FANK1: variants seen among roughly 807,000 people sequenced by gnomAD.
FANK1 encodes the protein fibronectin type III and ankyrin repeat domains 1.
A neutral mutation model predicts 45.3 loss-of-function variants in FANK1; 44 were observed. The ratio of observed to expected loss-of-function variants is 0.97; its 90% CI spans 0.76 to 1.25. The LOEUF (loss-of-function observed/expected upper bound fraction) is 1.25, where lower values mean the gene tolerates loss of function less well. Among genes scored for constraint, FANK1 ranks in the 50% most tolerant of loss-of-function variants. FANK1 has a pLI of 0.00. For synonymous variants in FANK1, 149 were observed against 152.5 expected, an observed-to-expected ratio of 0.98 and a Z score of 0.17; for missense variants, 391 against 424.4, an observed-to-expected ratio of 0.92 and a Z score of 0.69.
At chr10:126,005,148 T>C in intron 7 of FANK1, 99 bp downstream of exon 7, 1 of 1,412,354 alleles carries the variant, frequency 7.1e-7, no homozygotes, top group Admixed American at 2.4e-5. Context: ...TAGCTAACCT[T>C]AGAAATGCTG....
intron 1 of FANK1, among the ~76,000 whole-genome samples, chr10:125,959,570 A>T (rs1320029680): frequency 6.6e-6 from 1 of 152,172 alleles, no homozygotes; most frequent in Non-Finnish European, 1.5e-5. Flanking sequence ...ATCTTTCTGG[A>T]TGAGTTTGCT....
At chr10:125,978,952 G>A (rs958400915) in intron 1 of FANK1, among the ~76,000 whole-genome samples, 5 of 152,244 alleles carry the variant, frequency 3.3e-5, no homozygotes, top group African/African-American at 1.2e-4. Flanking sequence ...TAAGGCTCCA[G>A]GGTCTCCACG....
intron 1 of FANK1, among the ~76,000 whole-genome samples, chr10:125,971,561 C>A (rs893828061): frequency 2.6e-5 from 4 of 151,948 alleles, no homozygotes; most frequent in South Asian, 4.1e-4. Context: ...ACAAGCTAGA[C>A]CTGATTTAAA....
At chr10:125,978,405 A>G (rs1950983903) in intron 1 of FANK1, among the ~76,000 whole-genome samples, 2 of 152,062 alleles carry the variant, frequency 1.3e-5, no homozygotes, top group African/African-American at 4.8e-5. Flanking sequence ...TATGAGGCTC[A>G]AAGGCTGGAA....
intron 3 of FANK1, among the ~76,000 whole-genome samples, chr10:125,991,231 G>A (rs1409801784): frequency 7.0e-6 from 1 of 142,110 alleles, no homozygotes; most frequent in Non-Finnish European, 1.5e-5. Context: ...GCAGGGATGA[G>A]TGTGTGGTGG....
intron 1 of FANK1, among the ~76,000 whole-genome samples, chr10:125,946,108 A>G (rs1210335661): frequency 6.6e-6 from 1 of 152,196 alleles, no homozygotes; most frequent in Non-Finnish European, 1.5e-5. Context: ...ACCCATCTGT[A>G]CATCACCATC....
chr10:125,928,261 C>CTTT (rs34889746), intron 1 of FANK1, among the ~76,000 whole-genome samples: 2,833 of 137,658 alleles, frequency 0.021, 156 homozygotes, highest in African/African-American at 0.065. Flanking sequence ...TTATTCGTGC[C>CTTT]TTTTTTTTTT....
chr10:125,989,239 T>C (rs1013879766), intron 3 of FANK1: 2 of 1,526,158 alleles, frequency 1.3e-6, no homozygotes, highest in Non-Finnish European at 1.8e-6. Context: ...GTTTCTGAGA[T>C]TGGTATTTTA....
intron 2 of FANK1, among the ~76,000 whole-genome samples, chr10:125,984,038 G>A (rs542130831): frequency 9.2e-5 from 14 of 152,266 alleles, no homozygotes; most frequent in Admixed American, 7.2e-4. Flanking sequence ...GTGGTGGACC[G>A]AATATGGGAT....
intron 3 of FANK1, among the ~76,000 whole-genome samples, chr10:125,989,706 C>T (rs936706114): frequency 2.6e-5 from 4 of 152,320 alleles, no homozygotes; most frequent in Non-Finnish European, 5.9e-5. Flanking sequence ...GGGCTCGTTC[C>T]TTCATCCGAC....
intron 1 of FANK1, among the ~76,000 whole-genome samples, chr10:125,902,297 A>T (rs1945106699): frequency 1.3e-5 from 2 of 152,212 alleles, no homozygotes; most frequent in South Asian, 4.1e-4. Flanking sequence ...TCTTCACTCG[A>T]CTGTAGGGTG....
chr10:125,969,160 C>T (rs1950342688), intron 1 of FANK1, among the ~76,000 whole-genome samples: 1 of 151,958 alleles, frequency 6.6e-6, no homozygotes, highest in Admixed American at 6.6e-5. Flanking sequence ...ATGAAAAGAT[C>T]CTACCAATTA....
rs994957687 is a variant in FANK1 at position 125,954,062 on chromosome 10, C to T, written c.14-26099C>T. 3.4e-5 allele frequency among the ~76,000 whole-genome samples: 3 copies of T among 87,046 alleles called. 1 individual carries two copies. The South Asian group carries it at 1.2e-3, about 34-fold the overall frequency. 57.1% of individuals were successfully genotyped at this position (87,046 alleles called of 152,430 possible). A position where few individuals can be genotyped will look rare whatever the true frequency, so the allele number is the denominator to read the frequency against. On this transcript the variant is annotated intron_variant, in intron 1 of 10. Transcript: ENST00000368693. The stretch of plus-strand genomic sequence containing the variant: ...TTATCCCTAACACAGTGTGTCCCTG[C>T]TGCTGTGTCCTATCTCCACTGTGGA...
intron 1 of FANK1, among the ~76,000 whole-genome samples, chr10:125,948,967 C>T (rs547705369): frequency 0.014 from 2,104 of 145,862 alleles, 56 homozygotes; most frequent in African/African-American, 0.051. Flanking sequence ...GTTCAATATA[C>T]GCAAATCAAT....
At chr10:125,908,044 T>A (rs1398137916) in intron 1 of FANK1, among the ~76,000 whole-genome samples, 1 of 150,222 alleles carries the variant, frequency 6.7e-6, no homozygotes, top group Non-Finnish European at 1.5e-5. Flanking sequence ...TTTCCCAGGC[T>A]GGAGTGCAGT....
chr10:125,942,797 AT>A (rs1241721627), intron 1 of FANK1, among the ~76,000 whole-genome samples: 2 of 146,108 alleles, frequency 1.4e-5, no homozygotes, highest in Non-Finnish European at 3.0e-5. Flanking sequence ...TAGATCTGAA[AT>A]TTTTTTATAA....
intron 6 of FANK1, 23 bp downstream of exon 6, chr10:125,997,508 A>T (rs1471206310): frequency 6.2e-7 from 1 of 1,606,522 alleles, no homozygotes; most frequent in East Asian, 2.2e-5. Context: ...ATATGACTGA[A>T]ATTGTGCTGA....
chr10:126,000,053 A>G lies in FANK1; in HGVS notation c.539+2568A>G, dbSNP rs73372521. ...TTAATAAATATAATGGGGAAATAGA[A>G]TGAAAACAAGAAAGGTAGGAAATCT... On this transcript the variant is annotated intron_variant, in intron 6 of 10. Transcript: ENST00000368693. Among the ~76,000 whole-genome samples the G allele has an allele frequency of 7.4e-3, 1,129 of 152,350 alleles. 14 individuals carry two copies. Among genetic ancestry groups the G allele is most frequent in the African/African-American group, 0.023 (968 of 41,572 alleles).
At chr10:125,897,584 T>A (rs1944657593) in intron 1 of FANK1, among the ~76,000 whole-genome samples, 1 of 152,302 alleles carries the variant, frequency 6.6e-6, no homozygotes. Flanking sequence ...AATGTTGGCA[T>A]TTTTAAAGGT....
Sources: gnomAD v4.1 joint callset for allele counts (sites outside exome capture counted in the v4.1 genomes callset) on GRCh38, gnomAD v4.1.1 for gene constraint, MANE v1.5 for transcripts, NCBI Gene and HGNC (gene_info 2026-07-23, HGNC 2026-07-21) for gene names.